BRINP3: variants seen among roughly 807,000 people sequenced by gnomAD.
BRINP3 encodes the protein BMP/retinoic acid-inducible neural-specific protein 3.
A neutral mutation model predicts 71.0 loss-of-function variants in BRINP3; 19 were observed. The ratio of observed to expected loss-of-function variants is 0.27; its 90% CI spans 0.19 to 0.39. BRINP3 has a LOEUF of 0.39. Among genes scored for constraint, BRINP3 ranks in the 10% least tolerant of loss-of-function variants. The pLI, the probability that BRINP3 is intolerant of heterozygous loss-of-function variation, is 1.00. For synonymous variants in BRINP3, 380 were observed against 337.7 expected, an observed-to-expected ratio of 1.13 and a Z score of -1.37; for missense variants, 959 against 940.8, an observed-to-expected ratio of 1.02 and a Z score of -0.25.
At chr1:190,366,997 C>T (rs1056177039) in intron 2 of BRINP3, among the ~76,000 whole-genome samples, 9 of 152,080 alleles carry the variant, frequency 5.9e-5, no homozygotes, top group Non-Finnish European at 8.8e-5. Context: ...CACAGGTACA[C>T]GGTGCAAGCT....
chr1:190,224,244 A>G (rs186722433), intron 6 of BRINP3, among the ~76,000 whole-genome samples: 30 of 152,040 alleles, frequency 2.0e-4, no homozygotes, highest in Middle Eastern at 3.4e-3. Flanking sequence ...CAAATTTACT[A>G]CAAAGCTATC....
At chr1:190,450,417 G>A (rs191151929) in intron 2 of BRINP3, among the ~76,000 whole-genome samples, 1 of 152,196 alleles carries the variant, frequency 6.6e-6, no homozygotes, top group Non-Finnish European at 1.5e-5. Flanking sequence ...AATTTTCTGT[G>A]TTGTTATGAG....
chr1:190,131,639 A>G (rs1470118838), intron 7 of BRINP3, among the ~76,000 whole-genome samples: 1 of 152,042 alleles, frequency 6.6e-6, no homozygotes, highest in Admixed American at 6.6e-5. Context: ...GCTACATTTT[A>G]TACTATCACC....
At chr1:190,413,708 C>A (rs770779653) in intron 2 of BRINP3, among the ~76,000 whole-genome samples, 1 of 152,028 alleles carries the variant, frequency 6.6e-6, no homozygotes, top group Non-Finnish European at 1.5e-5. Flanking sequence ...AGACATGTGG[C>A]CTTCGGTACT....
intron 6 of BRINP3, among the ~76,000 whole-genome samples, chr1:190,174,158 T>C (rs1220525825): frequency 1.3e-5 from 2 of 152,168 alleles, no homozygotes; most frequent in African/African-American, 4.8e-5. Flanking sequence ...GTTACTTCAG[T>C]TAAAATCCTC....
intron 2 of BRINP3, among the ~76,000 whole-genome samples, chr1:190,342,097 G>A (rs74130704): frequency 0.016 from 2,457 of 151,152 alleles, 63 homozygotes; most frequent in African/African-American, 0.055. Flanking sequence ...GCAGGGTTGC[G>A]ATGGGTCTTT....
chr1:190,379,477 T>C (rs1301803430), intron 2 of BRINP3, among the ~76,000 whole-genome samples: 1 of 152,066 alleles, frequency 6.6e-6, no homozygotes, highest in Non-Finnish European at 1.5e-5. Context: ...CTATTTTGGA[T>C]ACAACAGTCA....
chr1:190,425,427 TTTCATA>T (rs1390413057), intron 2 of BRINP3, among the ~76,000 whole-genome samples: 1 of 151,728 alleles, frequency 6.6e-6, no homozygotes, highest in East Asian at 1.9e-4. Context: ...TGAACAGCGT[TTTCATA>T]TTCTCAATCA....
At chr1:190,296,105 T>C (rs759604860) in intron 2 of BRINP3, among the ~76,000 whole-genome samples, 5 of 151,558 alleles carry the variant, frequency 3.3e-5, no homozygotes, top group Non-Finnish European at 7.4e-5. Context: ...TGGTGTTATA[T>C]TTAAAAAATT....
intron 6 of BRINP3, among the ~76,000 whole-genome samples, chr1:190,185,149 A>G (rs1160153363): frequency 6.6e-6 from 1 of 152,146 alleles, no homozygotes; most frequent in East Asian, 1.9e-4. Context: ...AAAGGAAATA[A>G]TCAACAGACT....
At chr1:190,351,297 G>A (rs1187575508) in intron 2 of BRINP3, among the ~76,000 whole-genome samples, 3 of 152,078 alleles carry the variant, frequency 2.0e-5, no homozygotes, top group African/African-American at 7.2e-5. Flanking sequence ...ACAGCAGGAA[G>A]AGTAATTTAT....
chr1:190,275,733 T>A (rs1387821182), intron 3 of BRINP3, among the ~76,000 whole-genome samples: 2 of 151,692 alleles, frequency 1.3e-5, no homozygotes, highest in Non-Finnish European at 3.0e-5. Context: ...GTTCTAGAAC[T>A]TAACATTTAT....
chr1:190,408,728 A>G (rs1307922119), intron 2 of BRINP3, among the ~76,000 whole-genome samples: 2 of 152,206 alleles, frequency 1.3e-5, no homozygotes, highest in African/African-American at 4.8e-5. Flanking sequence ...TTTGCCTTCC[A>G]GAGAATAAGT....
chr1:190,225,935 T>A, intron 6 of BRINP3, 147 bp downstream of exon 6: 2 of 606,648 alleles, frequency 3.3e-6, no homozygotes, highest in Non-Finnish European at 5.6e-6. Flanking sequence ...TAACCAGTAG[T>A]AAAAGCAATG....
At chr1:190,337,048 T>C (rs1233308569) in intron 2 of BRINP3, among the ~76,000 whole-genome samples, 1 of 151,954 alleles carries the variant, frequency 6.6e-6, no homozygotes, top group Non-Finnish European at 1.5e-5. Flanking sequence ...CTGAGGCATC[T>C]TGGAAAGAGA....
intron 2 of BRINP3, among the ~76,000 whole-genome samples, chr1:190,410,045 T>G (rs2102404276): frequency 6.6e-6 from 1 of 152,300 alleles, no homozygotes; most frequent in South Asian, 2.1e-4. Flanking sequence ...CCCTTCCTTC[T>G]TTCCTATTTT....
At chr1:190,432,755 T>G (rs577414753) in intron 2 of BRINP3, among the ~76,000 whole-genome samples, 13 of 152,258 alleles carry the variant, frequency 8.5e-5, no homozygotes, top group African/African-American at 3.1e-4. Flanking sequence ...AATTTGTGCA[T>G]TTGCCATTAG....
chr1:190,115,508 T>C (rs1653054618), intron 7 of BRINP3, among the ~76,000 whole-genome samples: 1 of 152,116 alleles, frequency 6.6e-6, no homozygotes. Context: ...CATCTATAAA[T>C]TGACAAATAT....
chr1:190,423,504 T>C (rs1014229977), intron 2 of BRINP3, among the ~76,000 whole-genome samples: 3 of 151,860 alleles, frequency 2.0e-5, no homozygotes, highest in Admixed American at 6.6e-5. Flanking sequence ...CATAATACTA[T>C]GGCACTGGCA....
Sources: allele counts gnomAD v4.1 joint callset (sites outside exome capture counted in the v4.1 genomes callset), GRCh38; gene constraint gnomAD v4.1.1; transcripts MANE v1.5; gene names NCBI Gene and HGNC (gene_info 2026-07-23, HGNC 2026-07-21).